The following GADL1 variants were observed in gnomAD, a reference collection of about 807,000 sequenced individuals.
GADL1 encodes the protein GAD like acidic amino acid decarboxylase 1, also known as acidic amino acid decarboxylase GADL1.
GADL1 carries 71 observed loss-of-function variants against 69.5 expected under a neutral mutation model. The observed-to-expected ratio is 1.02, with a 90% CI of 0.84 to 1.25. The LOEUF is 1.25. Ranked by LOEUF, GADL1 falls within the 50% of genes most tolerant of loss-of-function variation. The probability of loss-of-function intolerance (pLI) is 0.00; values close to 1 mark genes in which losing one functional copy is unlikely to be tolerated. For missense variants in GADL1, 737 were observed against 631.8 expected (o/e 1.17, Z -1.79); for synonymous variants, 254 against 214.4 (o/e 1.18, Z -1.62).
At chr3:30,855,857 G>A (rs1698223809) in intron 3 of GADL1, among the ~76,000 whole-genome samples, 1 of 144,232 alleles carries the variant, frequency 6.9e-6, no homozygotes, top group Non-Finnish European at 1.5e-5. Context: ...CTCTTTAGGG[G>A]TTCAATAAAA....
chr3:30,874,476 G>A (rs1215130121), intron 1 of GADL1, among the ~76,000 whole-genome samples: 8 of 151,886 alleles, frequency 5.3e-5, no homozygotes, highest in Admixed American at 1.3e-4. Flanking sequence ...GATGTTTTTG[G>A]CCATTTATGT....
At chr3:30,728,542 G>A (rs72852519) in intron 14 of GADL1, 127 bp from the exon 15 acceptor site, 26,136 of 648,030 alleles carry the variant, frequency 0.04, 2,191 homozygotes, top group African/African-American at 0.26. Flanking sequence ...ATTCACACAA[G>A]GTTGACACTA....
At chr3:30,890,047 A>T (rs1212518844) in intron 1 of GADL1, among the ~76,000 whole-genome samples, 2 of 152,170 alleles carry the variant, frequency 1.3e-5, no homozygotes, top group African/African-American at 4.8e-5. Flanking sequence ...CTCTACCATA[A>T]TTTATTTTAG....
At chr3:30,771,111 G>A (rs1166632876) in intron 14 of GADL1, among the ~76,000 whole-genome samples, 1 of 152,176 alleles carries the variant, frequency 6.6e-6, no homozygotes, top group Non-Finnish European at 1.5e-5. Flanking sequence ...TAAATCCAGT[G>A]GAGTATATTT....
chr3:30,865,895 C>A (rs1473693834), intron 1 of GADL1, among the ~76,000 whole-genome samples: 1 of 152,024 alleles, frequency 6.6e-6, no homozygotes, highest in African/African-American at 2.4e-5. Context: ...AAGACTCCAA[C>A]TTCTGCATTT....
At chr3:30,815,026 A>G (rs1697438456) in intron 11 of GADL1, among the ~76,000 whole-genome samples, 2 of 152,120 alleles carry the variant, frequency 1.3e-5, no homozygotes, top group Admixed American at 6.6e-5. Context: ...TACACAGTAA[A>G]TACTTAGCCA....
chr3:30,857,221 A>T lies in GADL1; in HGVS notation c.211-80T>A, dbSNP rs1005718118. On this transcript the variant is annotated intron_variant, in intron 2 of 14. Coordinates refer to ENST00000282538, the MANE Select transcript of GADL1 (RefSeq NM_207359.3). Reference sequence around the variant, plus strand: ...GGATGTTACAAACGTGGACTCTACCATTACAAAGCTTCTGGGCAGCGGGTG... The same window carrying T: ...GGATGTTACAAACGTGGACTCTACCTTTACAAAGCTTCTGGGCAGCGGGTG... The T allele has an allele frequency of 4.1e-6, 5 of 1,211,686 alleles. No homozygotes were observed. In the African/African-American group the frequency reaches 7.6e-5, roughly 18 times the overall value. 75.1% of individuals were successfully genotyped at this position (1,211,686 alleles called of 1,614,324 possible). A position where few individuals can be genotyped will look rare whatever the true frequency, so the allele number is the denominator to read the frequency against.
intron 1 of GADL1, among the ~76,000 whole-genome samples, chr3:30,877,487 T>C (rs1698593477): frequency 6.6e-6 from 1 of 151,916 alleles, no homozygotes; most frequent in African/African-American, 2.4e-5. Context: ...CACTGCATCA[T>C]ACAAATTAGG....
intron 14 of GADL1, among the ~76,000 whole-genome samples, chr3:30,764,104 T>C (rs1442184661): frequency 1.3e-5 from 2 of 152,150 alleles, no homozygotes; most frequent in Non-Finnish European, 2.9e-5. Context: ...AAAATGCAAA[T>C]GTACATTATA....
chr3:30,816,556 T>C (rs1697476522), intron 11 of GADL1, among the ~76,000 whole-genome samples: 1 of 94,776 alleles, frequency 1.1e-5, no homozygotes, highest in South Asian at 4.1e-4. Flanking sequence ...TTTTTTTTTT[T>C]TTTTTTTTTT....
intron 13 of GADL1, among the ~76,000 whole-genome samples, chr3:30,784,698 T>C (rs1696750679): frequency 6.6e-6 from 1 of 152,214 alleles, no homozygotes; most frequent in African/African-American, 2.4e-5. Context: ...CTCTTCACTA[T>C]TGCTTTTTCA....
Position 30,780,504 on chromosome 3 carries a change from T to C in GADL1, c.1303-2236A>G, listed in dbSNP as rs76764888. 7.2e-3 allele frequency among the ~76,000 whole-genome samples: 1,099 copies of C among 152,290 alleles called. 13 individuals carry two copies. Among genetic ancestry groups the C allele is most frequent in the African/African-American group, 0.024 (1,017 of 41,564 alleles). ...GCAATCCTCCATTACTCCAATCCCT[T>C]GCTAATAATTATTGATATTACACTT... On this transcript the variant is annotated intron_variant, in intron 13 of 14. Coordinates refer to ENST00000282538, the MANE Select transcript of GADL1 (RefSeq NM_207359.3).
At chr3:30,806,641 G>C (rs1697261627) in intron 11 of GADL1, among the ~76,000 whole-genome samples, 1 of 152,178 alleles carries the variant, frequency 6.6e-6, no homozygotes, top group Admixed American at 6.5e-5. Flanking sequence ...TAGAATAGGA[G>C]GAAGAACAAG....
At chr3:30,787,965 CTA>C (rs1696832515) in intron 12 of GADL1, among the ~76,000 whole-genome samples, 1 of 152,000 alleles carries the variant, frequency 6.6e-6, no homozygotes. Context: ...AAGATATTAT[CTA>C]TATGCAATTG....
rs78573054 is a variant in GADL1 at position 30,842,642 on chromosome 3, T to C, written c.786+1568A>G. Reference sequence around the variant, plus strand: ...CCACCAACAAGCATTAACAACATAATGCAAATTATTTTTGATAGGAATTTA... The same window carrying C: ...CCACCAACAAGCATTAACAACATAACGCAAATTATTTTTGATAGGAATTTA... On this transcript the variant is annotated intron_variant, in intron 8 of 14. Coordinates refer to ENST00000282538, the MANE Select transcript of GADL1 (RefSeq NM_207359.3). Among the ~76,000 whole-genome samples the C allele has an allele frequency of 0.014, 2,063 of 151,992 alleles. 165 individuals carry two copies. The East Asian group carries it at 0.25, about 19-fold the overall frequency.
chr3:30,763,989 A>AT (rs1292800089), intron 14 of GADL1, among the ~76,000 whole-genome samples: 1 of 152,184 alleles, frequency 6.6e-6, no homozygotes, highest in Non-Finnish European at 1.5e-5. Flanking sequence ...AATAAAATAC[A>AT]TAAAATATTT....
At chr3:30,887,341 A>G (rs902047407) in intron 1 of GADL1, among the ~76,000 whole-genome samples, 3 of 152,206 alleles carry the variant, frequency 2.0e-5, no homozygotes, top group African/African-American at 7.2e-5. Flanking sequence ...TTGGATTGTG[A>G]AGCCTCTGGC....
chr3:30,792,927 C>T (rs1256580589), intron 12 of GADL1, among the ~76,000 whole-genome samples: 3 of 152,102 alleles, frequency 2.0e-5, no homozygotes, highest in Non-Finnish European at 2.9e-5. Context: ...AACATTGCTA[C>T]GTGAACAAAA....
chr3:30,875,879 A>T (rs995051257), intron 1 of GADL1, among the ~76,000 whole-genome samples: 2 of 151,852 alleles, frequency 1.3e-5, no homozygotes, highest in African/African-American at 2.4e-5. Flanking sequence ...GATATCATTC[A>T]CACACAAGAA....
Sources: allele counts gnomAD v4.1 joint callset (sites outside exome capture counted in the v4.1 genomes callset), GRCh38; gene constraint gnomAD v4.1.1; transcripts MANE v1.5; gene names NCBI Gene and HGNC (gene_info 2026-07-23, HGNC 2026-07-21).